The following STX8 variants were observed in gnomAD, a reference collection of about 807,000 sequenced individuals.
STX8 encodes the protein syntaxin-8.
STX8 carries 23 observed loss-of-function variants against 37.5 expected under a neutral mutation model. The observed-to-expected ratio is 0.61, with a 90% CI of 0.44 to 0.87. The LOEUF (loss-of-function observed/expected upper bound fraction) is 0.87, where lower values mean the gene tolerates loss of function less well. Ranked by LOEUF, STX8 falls within the 40% of genes least tolerant of loss-of-function variation. The pLI is 0.00. For synonymous variants in STX8, 115 were observed against 99.1 expected, an observed-to-expected ratio of 1.16 and a Z score of -0.95; for missense variants, 313 against 284.7, an observed-to-expected ratio of 1.10 and a Z score of -0.71.
chr17:9,344,669 T>C (rs1226988861), intron 7 of STX8, among the ~76,000 whole-genome samples: 1 of 152,186 alleles, frequency 6.6e-6, no homozygotes, highest in African/African-American at 2.4e-5. Flanking sequence ...TGCCACCTCA[T>C]GTAGGCCTGC....
Position 9,572,617 on chromosome 17 carries a change from T to A in STX8, c.17+3175A>T, listed in dbSNP as rs746786850. Among the ~76,000 whole-genome samples the A allele has an allele frequency of 1.3e-4, 20 of 151,620 alleles. 1 individual carries two copies. Among genetic ancestry groups the A allele is most frequent in the Non-Finnish European group, 1.0e-4 (7 of 67,898 alleles). Reference sequence around the variant, plus strand: ...TAGAGACGGGGTTTCACCATGTTGGTCAGGCTGGTCTCGAACTCCTGACCT... The same window carrying A: ...TAGAGACGGGGTTTCACCATGTTGGACAGGCTGGTCTCGAACTCCTGACCT... On this transcript the variant is annotated intron_variant, in intron 1 of 7. Transcript: ENST00000306357.
At chr17:9,313,862 C>T (rs983972569) in intron 7 of STX8, among the ~76,000 whole-genome samples, 2 of 152,170 alleles carry the variant, frequency 1.3e-5, no homozygotes, top group African/African-American at 2.4e-5. Flanking sequence ...GATCTCCTGA[C>T]CTCGTGATCC....
At chr17:9,365,141 CAT>C (rs2142264788) in intron 7 of STX8, among the ~76,000 whole-genome samples, 2 of 152,308 alleles carry the variant, frequency 1.3e-5, no homozygotes, top group African/African-American at 4.8e-5. Context: ...TATATTGTGA[CAT>C]GTTTTATTTG....
intron 7 of STX8, among the ~76,000 whole-genome samples, chr17:9,263,620 C>T (rs1907124993): frequency 6.6e-6 from 1 of 152,156 alleles, no homozygotes; most frequent in African/African-American, 2.4e-5. Flanking sequence ...AAAAGATACC[C>T]TGTTACTAGA....
At chr17:9,444,226 C>G (rs9904482) in intron 6 of STX8, among the ~76,000 whole-genome samples, 1 of 151,884 alleles carries the variant, frequency 6.6e-6, no homozygotes, top group African/African-American at 2.4e-5. Context: ...CTGCCTCGAG[C>G]GGTCCTCCCA....
intron 1 of STX8, among the ~76,000 whole-genome samples, chr17:9,572,462 T>G (rs1907721742): frequency 6.6e-6 from 1 of 152,206 alleles, no homozygotes; most frequent in Non-Finnish European, 1.5e-5. Flanking sequence ...CAGGCTGAAG[T>G]GCAGTGGCGC....
intron 6 of STX8, among the ~76,000 whole-genome samples, chr17:9,483,293 A>G (rs1906426632): frequency 6.6e-6 from 1 of 152,010 alleles, no homozygotes; most frequent in Non-Finnish European, 1.5e-5. Context: ...GTTCAGAGTC[A>G]GCAGCGTAGC....
Position 9,386,422 on chromosome 17 carries a change from T to C in STX8, c.542-7769A>G, listed in dbSNP as rs140691279. ...CAGAAAGTGGTTGCCTCTGGGGTGC[T>C]TGACTAGAAAGGGACATGAGGAAAC... On this transcript the variant is annotated intron_variant, in intron 6 of 7. Transcript: ENST00000306357. Among the ~76,000 whole-genome samples, 1,398 of 152,216 alleles carry C rather than the reference T, an allele frequency of 9.2e-3. 13 individuals are homozygous for C. The highest frequency in any genetic ancestry group is 0.038 in the Middle Eastern group (11 of 292).
At chr17:9,379,958 ACT>A (rs1313418892) in intron 6 of STX8, among the ~76,000 whole-genome samples, 1 of 141,950 alleles carries the variant, frequency 7.0e-6, no homozygotes, top group African/African-American at 2.8e-5. Context: ...ACAGAGAGAG[ACT>A]CTGTCTCAAA....
At chr17:9,489,425 T>C (rs1428390030) in intron 6 of STX8, among the ~76,000 whole-genome samples, 1 of 152,164 alleles carries the variant, frequency 6.6e-6, no homozygotes, top group Non-Finnish European at 1.5e-5. Flanking sequence ...GACGTGCGGC[T>C]TGATTGCCTT....
chr17:9,313,912 G>A (rs12938051), intron 7 of STX8, among the ~76,000 whole-genome samples: 16,844 of 152,218 alleles, frequency 0.11, 1,225 homozygotes, highest in Non-Finnish European at 0.16. Flanking sequence ...TTACAGGCAT[G>A]AGCCACCGTG....
intron 4 of STX8, among the ~76,000 whole-genome samples, chr17:9,506,751 T>C (rs192163916): frequency 5.0e-4 from 76 of 152,244 alleles, no homozygotes; most frequent in African/African-American, 1.5e-3. Flanking sequence ...GGAGAGCTGC[T>C]GGGAATTCGT....
chr17:9,500,534 A>C (rs962736341), intron 5 of STX8, among the ~76,000 whole-genome samples: 1 of 152,176 alleles, frequency 6.6e-6, no homozygotes, highest in African/African-American at 2.4e-5. Context: ...AGAGGACTGC[A>C]GAGAGTACTC....
chr17:9,322,220 T>C (rs148440882), intron 7 of STX8, among the ~76,000 whole-genome samples: 14 of 152,320 alleles, frequency 9.2e-5, no homozygotes, highest in African/African-American at 3.4e-4. Context: ...AGCGGTCATC[T>C]CAGGGAATTT....
rs940436001 is a variant in STX8 at position 9,304,521 on chromosome 17, A to G, written c.644-53876T>C. Among the ~76,000 whole-genome samples the G allele has an allele frequency of 5.3e-5, 8 of 151,134 alleles. No individual in the cohort carries two copies. The East Asian group carries it at 5.8e-4, about 11-fold the overall frequency. The stretch of plus-strand genomic sequence containing the variant: ...CGAAACTGTCTCAAAAAAAAAAAAA[A>G]AAAAAAAAGAAAAAAGAAAGAAAAA... On this transcript the variant is annotated intron_variant, in intron 7 of 7. Transcript: ENST00000306357.
At chr17:9,463,446 A>G (rs993382224) in intron 6 of STX8, among the ~76,000 whole-genome samples, 2 of 152,184 alleles carry the variant, frequency 1.3e-5, no homozygotes, top group Non-Finnish European at 2.9e-5. Context: ...TCCTTCCTCC[A>G]AATCAAAATA....
rs577359234 is a variant in STX8, at chr17:9,398,409, C to A, written c.542-19756G>T. Among the ~76,000 whole-genome samples the A allele has an allele frequency of 1.2e-4, 19 of 152,208 alleles. No homozygotes were observed. In the South Asian group the frequency reaches 3.9e-3, roughly 32 times the overall value. On this transcript the variant is annotated intron_variant, in intron 6 of 7. Transcript: ENST00000306357. ...TCCTACGAAATACCTGAGCATTACC[C>A]CCACAAAACTGTCAACATCAAAAAC...
chr17:9,309,437 A>G (rs542597422), intron 7 of STX8, among the ~76,000 whole-genome samples: 67 of 152,188 alleles, frequency 4.4e-4, no homozygotes, highest in South Asian at 1.0e-3. Flanking sequence ...TGGGAGACTC[A>G]TTTTCCTTGC....
intron 6 of STX8, among the ~76,000 whole-genome samples, chr17:9,411,047 T>C (rs745393467): frequency 1.3e-5 from 2 of 152,226 alleles, no homozygotes; most frequent in Non-Finnish European, 2.9e-5. Flanking sequence ...GCAAAGTCCA[T>C]AATTCTTACC....
Sources: allele counts gnomAD v4.1 joint callset (sites outside exome capture counted in the v4.1 genomes callset), GRCh38; gene constraint gnomAD v4.1.1; transcripts MANE v1.5; gene names NCBI Gene and HGNC (gene_info 2026-07-23, HGNC 2026-07-21).